The following TMEM132D variants were observed in gnomAD, a reference collection of about 807,000 sequenced individuals.
TMEM132D encodes the protein transmembrane protein 132D.
TMEM132D carries 21 observed loss-of-function variants against 62.3 expected under a neutral mutation model. The ratio of observed to expected loss-of-function variants is 0.34; its 90% confidence interval spans 0.24 to 0.49. The LOEUF is 0.49. TMEM132D is among the 20% of genes least tolerant of loss of function. The probability of loss-of-function intolerance (pLI) is 0.99; values close to 1 mark genes in which losing one functional copy is unlikely to be tolerated. For synonymous variants in TMEM132D, 621 were observed against 575.6 expected, an observed-to-expected ratio of 1.08 and a Z score of -1.13; for missense variants, 1,346 against 1,402.8, an observed-to-expected ratio of 0.96 and a Z score of 0.65.
intron 2 of TMEM132D, among the ~76,000 whole-genome samples, chr12:129,629,979 G>T (rs1473923683): frequency 1.3e-5 from 2 of 152,216 alleles, no homozygotes; most frequent in Admixed American, 1.3e-4. Flanking sequence ...CACTTGAAAA[G>T]GAGCTTTGCA....
chr12:129,674,432 A>G (rs1293868225), intron 2 of TMEM132D, among the ~76,000 whole-genome samples: 1 of 152,212 alleles, frequency 6.6e-6, no homozygotes, highest in Non-Finnish European at 1.5e-5. Context: ...ACTTTCAGAC[A>G]TCTTTTCCCA....
intron 4 of TMEM132D, among the ~76,000 whole-genome samples, chr12:129,301,695 T>C (rs556663899): frequency 3.2e-4 from 48 of 152,302 alleles, no homozygotes; most frequent in African/African-American, 1.1e-3. Context: ...TAGGTGATTT[T>C]ATGCATTATT....
intron 1 of TMEM132D, among the ~76,000 whole-genome samples, chr12:129,850,598 T>TGCATCAAACTTCTCAATCTCTTAA (rs1873507978): frequency 6.6e-6 from 1 of 152,200 alleles, no homozygotes. Context: ...TGCAGGGGTC[T>TGCATCAAACTTCTCAATCTCTTAA]AGGTATGGAC....
intron 4 of TMEM132D, among the ~76,000 whole-genome samples, chr12:129,227,329 C>T (rs1879509597): frequency 1.4e-5 from 1 of 70,598 alleles, no homozygotes; most frequent in Admixed American, 1.5e-4. Context: ...ATATATATGG[C>T]GCAAGTCGGA....
chr12:129,827,965 TATG>T lies in TMEM132D; in HGVS notation c.79+75293_79+75295del, dbSNP rs1355564189. The stretch of plus-strand genomic sequence containing the variant: ...ATAACTTGCTAAGTAATGATAAATG[TATG>T]ATAATTTATTCTAAGTAAAATGAAG... On this transcript the variant is annotated intron_variant, in intron 1 of 8. Coordinates refer to ENST00000422113, the MANE Select transcript of TMEM132D (RefSeq NM_133448.3). The surrounding 1 kb of genome is among the most constrained non-coding windows in gnomAD (Gnocchi z 9.7). Among the ~76,000 whole-genome samples the T allele has an allele frequency of 1.3e-5, 2 of 152,196 alleles. No individual in the cohort carries two copies. Among genetic ancestry groups the T allele is most frequent in the South Asian group, 2.1e-4 (1 of 4,828 alleles).
At chr12:129,876,105 C>T (rs939567560) in intron 1 of TMEM132D, among the ~76,000 whole-genome samples, 1 of 152,140 alleles carries the variant, frequency 6.6e-6, no homozygotes, top group Non-Finnish European at 1.5e-5. Context: ...TACCTAGTTC[C>T]AGAAACAAGA....
intron 1 of TMEM132D, among the ~76,000 whole-genome samples, chr12:129,731,618 T>C (rs1869239831): frequency 6.6e-6 from 1 of 151,544 alleles, no homozygotes; most frequent in Non-Finnish European, 1.5e-5. Flanking sequence ...GAAGGTGCAG[T>C]GGGCCGATAT....
chr12:129,554,332 G>A (rs1255190967), intron 2 of TMEM132D, among the ~76,000 whole-genome samples: 1 of 152,184 alleles, frequency 6.6e-6, no homozygotes, highest in Non-Finnish European at 1.5e-5. Context: ...AAGTAACGAT[G>A]CCAGGTGGTG....
chr12:129,723,961 C>G (rs759801194), intron 1 of TMEM132D, among the ~76,000 whole-genome samples: 17 of 152,128 alleles, frequency 1.1e-4, no homozygotes, highest in Non-Finnish European at 1.2e-4. Context: ...TGTCACTTAC[C>G]CCTTAAATGG....
chr12:129,304,205 T>A (rs953282749), intron 4 of TMEM132D, among the ~76,000 whole-genome samples: 1 of 152,214 alleles, frequency 6.6e-6, no homozygotes, highest in African/African-American at 2.4e-5. Context: ...GCTGGTGTGA[T>A]CTTTCAAAAT....
At chr12:129,448,521 C>A (rs1166788786) in intron 3 of TMEM132D, among the ~76,000 whole-genome samples, 1 of 152,174 alleles carries the variant, frequency 6.6e-6, no homozygotes, top group Non-Finnish European at 1.5e-5. Flanking sequence ...ATAATGGAGT[C>A]CAGCTCCATC....
chr12:129,487,493 C>T (rs546539279), intron 3 of TMEM132D, among the ~76,000 whole-genome samples: 10 of 152,232 alleles, frequency 6.6e-5, no homozygotes, highest in African/African-American at 1.2e-4. Flanking sequence ...TGCATTCCCA[C>T]GCTTTGCTAG....
chr12:129,321,735 A>G (rs1312118253), intron 4 of TMEM132D, among the ~76,000 whole-genome samples: 1 of 151,814 alleles, frequency 6.6e-6, no homozygotes, highest in Non-Finnish European at 1.5e-5. Flanking sequence ...ATTTTTTTGT[A>G]TTTTTAGTAG....
chr12:129,083,831 T>C (rs1455589227), intron 6 of TMEM132D, among the ~76,000 whole-genome samples: 1 of 152,208 alleles, frequency 6.6e-6, no homozygotes, highest in Admixed American at 6.5e-5. Flanking sequence ...CCTACCACTC[T>C]CTTTACATGG....
At chr12:129,869,277 A>G (rs2137375594) in intron 1 of TMEM132D, among the ~76,000 whole-genome samples, 1 of 152,302 alleles carries the variant, frequency 6.6e-6, no homozygotes, top group Middle Eastern at 3.4e-3. Flanking sequence ...AGTGAAAACG[A>G]GCAACAAGTT....
At chr12:129,682,376 A>T (rs950162853) in intron 2 of TMEM132D, among the ~76,000 whole-genome samples, 6 of 152,070 alleles carry the variant, frequency 3.9e-5, no homozygotes, top group African/African-American at 1.4e-4. Context: ...TGACCCTCCC[A>T]AGTTGCATAA....
At chr12:129,831,031 G>C (rs765558452) in intron 1 of TMEM132D, among the ~76,000 whole-genome samples, 2 of 152,026 alleles carry the variant, frequency 1.3e-5, no homozygotes, top group Non-Finnish European at 2.9e-5. Context: ...CCACAGGCAG[G>C]CTCTCTCTTT....
intron 4 of TMEM132D, among the ~76,000 whole-genome samples, chr12:129,332,343 T>C (rs1427941598): frequency 2.6e-5 from 4 of 152,030 alleles, no homozygotes; most frequent in African/African-American, 9.7e-5. Context: ...AAAGGCAAAC[T>C]ATTGAAGAAG....
intron 2 of TMEM132D, among the ~76,000 whole-genome samples, chr12:129,698,574 GGAGGGGA>G (rs2137223156): frequency 6.3e-4 from 1 of 1,578 alleles, no homozygotes; most frequent in Non-Finnish European, 1.5e-3. Flanking sequence ...AGGGGAGAAG[GGAGGGGA>G]GAGGGGAGGG....
Sources: gnomAD v4.1 joint callset for allele counts (sites outside exome capture counted in the v4.1 genomes callset) on GRCh38, gnomAD v4.1.1 for gene constraint, Gnocchi (gnomAD v3.1) non-coding constraint, MANE v1.5 for transcripts, NCBI Gene and HGNC (gene_info 2026-07-23, HGNC 2026-07-21) for gene names.